The following ABCA5 variants were observed in gnomAD, a reference collection of about 807,000 sequenced individuals.
ABCA5 encodes cholesterol transporter ABCA5.
A neutral mutation model predicts 206.0 loss-of-function variants in ABCA5; 163 were observed. That is an observed-to-expected ratio of 0.79 (90% CI 0.70 to 0.90). ABCA5 has a LOEUF of 0.90. Ranked by LOEUF, ABCA5 falls within the 40% of genes least tolerant of loss-of-function variation. ABCA5 has a pLI of 0.00. For missense variants in ABCA5, 1,859 were observed against 1,912.9 expected (o/e 0.97, Z 0.53); for synonymous variants, 609 against 613.8 (o/e 0.99, Z 0.11).
rs182488762 is a variant in ABCA5, at chr17:69,298,795, A to G, written c.1268-1436T>C. Reference sequence around the variant, plus strand: ...AAGACTTCATGACCAAGAAGCCAAAAGCAAATGCAACAAAAACAAAGATAG... The same window carrying G: ...AAGACTTCATGACCAAGAAGCCAAAGGCAAATGCAACAAAAACAAAGATAG... On this transcript the variant is annotated intron_variant, in intron 9 of 38. Transcript: ENST00000392676. Among the ~76,000 whole-genome samples, 108 of 152,372 alleles carry G rather than the reference A, an allele frequency of 7.1e-4. 1 individual carries two copies. The highest frequency in any genetic ancestry group is 1.3e-3 in the Non-Finnish European group (89 of 68,030).
intron 34 of ABCA5, among the ~76,000 whole-genome samples, chr17:69,252,257 G>A (rs1005963517): frequency 4.0e-5 from 6 of 151,702 alleles, no homozygotes; most frequent in Non-Finnish European, 7.4e-5. Context: ...CTCGTGGTCT[G>A]CTGCCTCAGC....
Position 69,285,816 on chromosome 17 carries a change from G to A in ABCA5, c.2272+82C>T, listed in dbSNP as rs562593623. On this transcript the variant is annotated intron_variant, in intron 17 of 38. Coordinates refer to ENST00000392676, the MANE Select transcript of ABCA5 (RefSeq NM_172232.4). ...GAGCATGGCAATACTACATGGAGAA[G>A]GAAACAAAAAGGAAATCAATGAAAC... 4.3e-6 allele frequency: 6 copies of A among 1,398,536 alleles called. No individual in the cohort carries two copies. The African/African-American group carries it at 8.8e-5, about 20-fold the overall frequency. 86.6% of individuals were successfully genotyped at this position (1,398,536 alleles called of 1,614,324 possible).
In ABCA5 at chr17:69,306,902, A is replaced by G. The variant is rs1211242905; in HGVS notation, c.611T>C (p.Ile204Thr). Residue 204 changes from isoleucine (I) to threonine (T), a missense_variant, in exon 6 of 39, where the codon ATT (isoleucine) becomes ACT (threonine). Transcript: ENST00000392676. ...TTCTACAACAGCAGTTTCTCCCATA[A>G]TAACAGCTTTAGTTGACTCCAGCTC... ...WKELESTKAV[I>T]MGETAVVEID... 4 of 1,589,920 alleles carry G rather than the reference A, an allele frequency of 2.5e-6. No homozygotes were observed. Among genetic ancestry groups the G allele is most frequent in the African/African-American group, 1.4e-5 (1 of 73,640 alleles).
intron 3 of ABCA5, 92 bp downstream of exon 3, chr17:69,313,000 T>C (rs1289656574): frequency 2.7e-6 from 2 of 728,950 alleles, no homozygotes; most frequent in East Asian, 3.2e-5. Context: ...CATCTCTAAG[T>C]GTTAAGACTG....
chr17:69,272,864 A>C (rs1415049794), intron 20 of ABCA5, among the ~76,000 whole-genome samples: 1 of 152,190 alleles, frequency 6.6e-6, no homozygotes, highest in African/African-American at 2.4e-5. Context: ...ATTCCTAGCC[A>C]TGCTTATTAT....
Position 69,254,360 on chromosome 17 carries a change from G to A in ABCA5, c.4199C>T (p.Ala1400Val). 6.2e-7 allele frequency: 1 copy of A among 1,613,204 alleles called. No homozygotes were observed. The highest frequency in any genetic ancestry group is 8.5e-7 in the Non-Finnish European group (1 of 1,179,562). Residue 1400 changes from alanine (A) to valine (V), a missense_variant, in exon 32 of 39, where the codon GCT becomes GTT. Physicochemically the swap from Ala to Val is moderately conservative, Grantham distance 64. Coordinates refer to ENST00000392676, the MANE Select transcript of ABCA5 (RefSeq NM_172232.4). ...GTCACTTGCACTCATTCCTTTGACA[G>A]CTCCATAAATTTCAAAATGTTCCTG... ...TLQEHFEIYG[A>V]VKGMSASDMK...
chr17:69,320,308 G>C (rs185194385), intron 1 of ABCA5, among the ~76,000 whole-genome samples: 1 of 152,124 alleles, frequency 6.6e-6, no homozygotes, highest in Non-Finnish European at 1.5e-5. Flanking sequence ...ACGAATTAGT[G>C]AGCTAAATTG....
intron 7 of ABCA5, among the ~76,000 whole-genome samples, chr17:69,303,475 C>A (rs1306564828): frequency 4.6e-5 from 7 of 151,502 alleles, no homozygotes; most frequent in Non-Finnish European, 1.0e-4. Context: ...AACATGACCA[C>A]CTCTACATTA....
chr17:69,303,843 TAC>T (rs1359693209), intron 7 of ABCA5, among the ~76,000 whole-genome samples: 4,567 of 24,254 alleles, frequency 0.19, 1,795 homozygotes, highest in East Asian at 0.23. Flanking sequence ...TATATATACA[TAC>T]ATATATATAT....
At chr17:69,249,749 T>C in intron 37 of ABCA5, 156 bp downstream of exon 37, 4 of 1,007,014 alleles carry the variant, frequency 4.0e-6, no homozygotes, top group Non-Finnish European at 5.6e-6. Flanking sequence ...GAGTCCCCAG[T>C]TTTAAACTTT....
At chr17:69,308,615 A>G (rs1355598563) in intron 4 of ABCA5, among the ~76,000 whole-genome samples, 1 of 152,210 alleles carries the variant, frequency 6.6e-6, no homozygotes, top group Admixed American at 6.5e-5. Context: ...AAATGTAAAG[A>G]AAGAAATTAA....
rs570461617 is a variant in ABCA5 at position 69,254,393 on chromosome 17, G to A, written c.4166C>T (p.Thr1389Ile). 1.9e-6 allele frequency: 3 copies of A among 1,613,684 alleles called. No homozygotes were observed. Among genetic ancestry groups the A allele is most frequent in the African/African-American group, 2.7e-5 (2 of 75,004 alleles). The change falls in exon 32 of 39, where the codon ACT (threonine) becomes ATT (isoleucine). Residue 1389 changes from threonine (T) to isoleucine (I), a missense_variant. Physicochemically the swap from Thr to Ile is moderately conservative, Grantham distance 89 (BLOSUM62 -1). Coordinates refer to ENST00000392676, the MANE Select transcript of ABCA5 (RefSeq NM_172232.4). Reference protein sequence around the residue: ...CPQINPLWPDTTLQEHFEIYG... With the variant: ...CPQINPLWPDITLQEHFEIYG... Reference sequence around the variant, plus strand: ...AATTTCAAAATGTTCCTGCAATGTAGTATCTGGCCACAAAGGGTTTATCTG... The same window carrying A: ...AATTTCAAAATGTTCCTGCAATGTAATATCTGGCCACAAAGGGTTTATCTG...
intron 15 of ABCA5, among the ~76,000 whole-genome samples, chr17:69,287,181 C>A (rs1293964597): frequency 6.6e-6 from 1 of 152,184 alleles, no homozygotes; most frequent in Non-Finnish European, 1.5e-5. Context: ...TGAGTATATA[C>A]TAACTTTCCC....
chr17:69,313,237 T>C lies in ABCA5; in HGVS notation c.162A>G (p.Pro54=), dbSNP rs2075786652. ...TAGGCACTTCTTCATATTTCTTATT[T>C]GGATGCATCATGCTAATTAATATTA... The part of the protein sequence containing the change: ...FWLILISMMH[P]NKKYEEVPNI... Residue 54 remains proline (P), a synonymous_variant, in exon 3 of 39, where the codon CCA becomes CCG. Coordinates refer to ENST00000392676, the MANE Select transcript of ABCA5 (RefSeq NM_172232.4). 4 of 1,520,832 alleles carry C rather than the reference T, an allele frequency of 2.6e-6. No homozygotes were observed. The East Asian group carries it at 9.1e-5, about 35-fold the overall frequency. The allele number at this position is 1,520,832 out of a possible 1,614,324, so 94.2% of individuals were successfully genotyped here. A position where few individuals can be genotyped will look rare whatever the true frequency, so the allele number is the denominator to read the frequency against.
At chr17:69,249,834 A>C in intron 37 of ABCA5, 71 bp downstream of exon 37, 1 of 1,465,824 alleles carries the variant, frequency 6.8e-7, no homozygotes, top group Non-Finnish European at 9.2e-7. Context: ...TCCAGCTTAA[A>C]AAAAGATTGT....
intron 1 of ABCA5, among the ~76,000 whole-genome samples, chr17:69,320,848 T>C (rs1476389598): frequency 6.6e-6 from 1 of 152,186 alleles, no homozygotes; most frequent in Non-Finnish European, 1.5e-5. Context: ...CATAATAATG[T>C]AAACACTAAC....
At chr17:69,277,313 T>C (rs1187754695) in intron 19 of ABCA5, among the ~76,000 whole-genome samples, 1 of 152,194 alleles carries the variant, frequency 6.6e-6, no homozygotes, top group Non-Finnish European at 1.5e-5. Flanking sequence ...AGTGTATTAA[T>C]ATATTCAAGG....
intron 3 of ABCA5, among the ~76,000 whole-genome samples, chr17:69,310,469 TTTTTTA>T (rs1195277988): frequency 4.6e-5 from 7 of 152,128 alleles, no homozygotes; most frequent in Admixed American, 1.3e-4. Flanking sequence ...AATATATGAA[TTTTTTA>T]TTTTTAAATA....
chr17:69,255,347 CATGTGTCTAT>C (rs1432596399), intron 31 of ABCA5, among the ~76,000 whole-genome samples, 186 bp downstream of exon 31: 2 of 152,162 alleles, frequency 1.3e-5, no homozygotes, highest in Non-Finnish European at 2.9e-5. Context: ...CGTGTGTCTA[CATGTGTCTAT>C]GAAAATTTCA....
Sources: gnomAD v4.1 joint callset for allele counts (sites outside exome capture counted in the v4.1 genomes callset) on GRCh38, gnomAD v4.1.1 for gene constraint, MANE v1.5 for transcripts, NCBI Gene and HGNC (gene_info 2026-07-23, HGNC 2026-07-21) for gene names.